Variants in TENM2 observed in about 807,000 individuals in gnomAD.
The protein encoded by TENM2 is teneurin transmembrane protein 2.
A neutral mutation model predicts 245.2 loss-of-function variants in TENM2; 52 were observed. The observed-to-expected ratio is 0.21, with a 90% CI of 0.17 to 0.27. The LOEUF (loss-of-function observed/expected upper bound fraction) is 0.27. Ranked by LOEUF, TENM2 falls within the 10% of genes least tolerant of loss-of-function variation. The pLI is 1.00. For missense variants in TENM2, 3,046 were observed against 3,666.8 expected (o/e 0.83, Z 4.37); for synonymous variants, 1,363 against 1,438.9 (o/e 0.95, Z 1.19).
At chr5:168,208,290 A>C (rs941515062) in intron 19 of TENM2, among the ~76,000 whole-genome samples, 1 of 152,206 alleles carries the variant, frequency 6.6e-6, no homozygotes, top group African/African-American at 2.4e-5. Context: ...TTTATTTTTT[A>C]AACATAAAAT....
At chr5:168,089,387 C>A (rs1193874270) in intron 7 of TENM2, among the ~76,000 whole-genome samples, 3 of 152,188 alleles carry the variant, frequency 2.0e-5, no homozygotes, top group African/African-American at 7.2e-5. Context: ...TCCCTTTCAT[C>A]ACATCAGTCA....
chr5:167,346,487 G>A (rs1343338721), intron 1 of TENM2, among the ~76,000 whole-genome samples: 1 of 152,180 alleles, frequency 6.6e-6, no homozygotes, highest in Non-Finnish European at 1.5e-5. Flanking sequence ...GACTTTTTAA[G>A]ATATTAAAAT....
At chr5:167,733,076 C>G (rs147906384) in intron 2 of TENM2, among the ~76,000 whole-genome samples, 1 of 151,754 alleles carries the variant, frequency 6.6e-6, no homozygotes, top group Non-Finnish European at 1.5e-5. Flanking sequence ...TTTTCTCCAA[C>G]AGGAGCATCT....
intron 2 of TENM2, among the ~76,000 whole-genome samples, chr5:167,756,200 G>A (rs1323833764): frequency 6.6e-6 from 1 of 152,060 alleles, no homozygotes; most frequent in Non-Finnish European, 1.5e-5. Flanking sequence ...ACAAACCTAA[G>A]TTGCTGTTTC....
intron 2 of TENM2, among the ~76,000 whole-genome samples, chr5:167,807,646 G>T (rs1766323551): frequency 6.8e-6 from 1 of 147,548 alleles, no homozygotes; most frequent in Admixed American, 6.8e-5. Flanking sequence ...AAAAGAGACA[G>T]AACCTCTTAA....
intron 9 of TENM2, among the ~76,000 whole-genome samples, chr5:168,109,818 A>G (rs750850): frequency 0.035 from 5,381 of 152,118 alleles, 311 homozygotes; most frequent in African/African-American, 0.12. Flanking sequence ...TCATCCCCCT[A>G]GCTTGCCAGG....
At position 168,191,093 on chromosome 5, in the gene TENM2, T is replaced by A. The variant is rs544421028; in HGVS notation, c.2780+546T>A. Among the ~76,000 whole-genome samples the A allele has an allele frequency of 8.5e-5, 13 of 152,328 alleles. No homozygotes were observed. In the East Asian group the frequency reaches 2.5e-3, roughly 29 times the overall value. On this transcript the variant is annotated intron_variant, in intron 14 of 28. Coordinates refer to ENST00000518659, the Ensembl canonical transcript of TENM2. ...CAACAATCCCATCTATTGCCTCTCCTGATTACCTATTGCATGCAAGCCATT... is the reference window on the plus strand; with the variant it reads ...CAACAATCCCATCTATTGCCTCTCCAGATTACCTATTGCATGCAAGCCATT...
At chr5:168,243,652 T>G (rs540735192) in intron 25 of TENM2, among the ~76,000 whole-genome samples, 13 of 152,324 alleles carry the variant, frequency 8.5e-5, no homozygotes, top group African/African-American at 2.9e-4. Context: ...GAGTTCCAAG[T>G]GTGCAAATAT....
At chr5:168,226,827 A>C (rs1435701354) in intron 24 of TENM2, among the ~76,000 whole-genome samples, 1 of 152,214 alleles carries the variant, frequency 6.6e-6, no homozygotes, top group Non-Finnish European at 1.5e-5. Context: ...CAGGGCAAGC[A>C]CTGGGGCTGG....
At chr5:166,983,439 T>C in the TENM2 span, among the ~76,000 whole-genome samples, 3 of 152,086 alleles carry the variant, frequency 2.0e-5, no homozygotes, top group African/African-American at 4.8e-5. Flanking sequence ...AAAAGAATGA[T>C]CAGGGAAAAA....
At chr5:167,643,864 T>C (rs1779763371) in intron 2 of TENM2, among the ~76,000 whole-genome samples, 1 of 152,226 alleles carries the variant, frequency 6.6e-6, no homozygotes, top group Admixed American at 6.5e-5. Flanking sequence ...GCAATTGAGT[T>C]AAAAATTATC....
chr5:168,261,840 T>G (rs1159174383), intron 28 of TENM2, among the ~76,000 whole-genome samples: 2 of 152,142 alleles, frequency 1.3e-5, no homozygotes, highest in Non-Finnish European at 2.9e-5. Flanking sequence ...CATCAGAGCA[T>G]TAGTAATCAA....
chr5:167,233,651 T>A, the TENM2 span, among the ~76,000 whole-genome samples: 2 of 152,226 alleles, frequency 1.3e-5, no homozygotes, highest in Non-Finnish European at 2.9e-5. Flanking sequence ...TAACATATAA[T>A]GTATTCACTT....
chr5:167,891,334 G>A (rs559140830), intron 3 of TENM2, among the ~76,000 whole-genome samples: 3 of 152,222 alleles, frequency 2.0e-5, no homozygotes, highest in South Asian at 4.1e-4. Flanking sequence ...GGAGTGCAGT[G>A]GTGCAACCTC....
chr5:167,854,760 T>C (rs1016694473), intron 2 of TENM2, among the ~76,000 whole-genome samples: 1 of 152,204 alleles, frequency 6.6e-6, no homozygotes, highest in Non-Finnish European at 1.5e-5. Context: ...CCTTTAAATA[T>C]GTATATTCAT....
chr5:167,583,578 G>A (rs2127688109), intron 2 of TENM2, among the ~76,000 whole-genome samples: 1 of 151,382 alleles, frequency 6.6e-6, no homozygotes, highest in East Asian at 1.9e-4. Flanking sequence ...ATAACCATAT[G>A]GAGAATTTAG....
At chr5:167,416,937 G>A (rs915835324) in intron 2 of TENM2, among the ~76,000 whole-genome samples, 10 of 152,024 alleles carry the variant, frequency 6.6e-5, no homozygotes, top group African/African-American at 2.2e-4. Context: ...AATGATGTTT[G>A]ATTACATAGA....
chr5:167,570,646 GC>G (rs1271283339), intron 2 of TENM2, among the ~76,000 whole-genome samples: 1 of 152,060 alleles, frequency 6.6e-6, no homozygotes, highest in Non-Finnish European at 1.5e-5. Context: ...CCCTAGGAAT[GC>G]CCCCTGGAAT....
At chr5:167,366,164 T>C (rs1760042316) in intron 1 of TENM2, among the ~76,000 whole-genome samples, 1 of 151,912 alleles carries the variant, frequency 6.6e-6, no homozygotes, top group East Asian at 1.9e-4. Flanking sequence ...AAATAAATAT[T>C]ATGAGGAATG....
Sources: gnomAD v4.1 joint callset for allele counts (sites outside exome capture counted in the v4.1 genomes callset) on GRCh38, gnomAD v4.1.1 for gene constraint, MANE v1.5 for transcripts, NCBI Gene and HGNC (gene_info 2026-07-23, HGNC 2026-07-21) for gene names.